Variants in LMBRD2 observed in about 807,000 individuals in gnomAD.
The protein encoded by LMBRD2 is G protein-coupled receptor-associated protein LMBRD2.
A neutral mutation model predicts 94.4 loss-of-function variants in LMBRD2; 55 were observed. The observed-to-expected ratio is 0.58, with a 90% confidence interval of 0.47 to 0.73. The LOEUF is 0.73. Among genes scored for constraint, LMBRD2 ranks in the 30% least tolerant of loss-of-function variants. The pLI is 0.00. For missense variants in LMBRD2, 640 were observed against 831.9 expected (o/e 0.77, Z 2.84); for synonymous variants, 246 against 272.4 (o/e 0.90, Z 0.95).
intron 6 of LMBRD2, among the ~76,000 whole-genome samples, chr5:36,125,705 C>T (rs1299679941): frequency 6.6e-6 from 1 of 152,120 alleles, no homozygotes. Flanking sequence ...TATAAATAAT[C>T]TGTACCAGTA....
Position 36,098,992 on chromosome 5 carries a change from T to A in LMBRD2, c.*5054A>T, listed in dbSNP as rs1180803190. On this transcript the variant is annotated 3_prime_UTR_variant, in exon 18 of 18. Transcript: ENST00000296603. ...CACATTTGAAAAGATTAATTTTCTA[T>A]TTCACCTAATCAACTGAATTGGATA... The A allele has an allele frequency of 2.0e-5, 3 of 152,112 alleles. No individual in the cohort carries two copies. Among genetic ancestry groups the A allele is most frequent in the Non-Finnish European group, 4.4e-5 (3 of 67,962 alleles). The allele number at this position is 152,112 out of a possible 1,614,324, so 9.4% of individuals were successfully genotyped here.
At position 36,117,791 on chromosome 5, in the gene LMBRD2, G is replaced by C; in HGVS notation, c.1246C>G (p.Leu416Val). Residue 416 changes from leucine (L) to valine (V), a missense_variant, in exon 10 of 18, where the codon CTC (leucine) becomes GTC (valine). Physicochemically the swap from Leu to Val is conservative, Grantham distance 32 (BLOSUM62 1). Around this residue, in one of 2 missense-constraint regions of LMBRD2, gnomAD observed 457 missense variants for 642.8 expected, o/e 0.71. Coordinates refer to ENST00000296603, the MANE Select transcript of LMBRD2 (RefSeq NM_001007527.2). ...GCCAGCTGTATGAAGACCGCAAAGAGGGATAAGACAGGAGTAGTGCTAAAG... is the reference window on the plus strand; with the variant it reads ...GCCAGCTGTATGAAGACCGCAAAGACGGATAAGACAGGAGTAGTGCTAAAG... ...TFFSTTPVLSLFAVFIQLAEK... is the reference protein window; with the variant it reads ...TFFSTTPVLSVFAVFIQLAEK... 6.2e-7 allele frequency: 1 copy of C among 1,613,600 alleles called. No homozygotes were observed. The highest frequency in any genetic ancestry group is 1.1e-5 in the South Asian group (1 of 90,982).
chr5:36,104,292 A>T (rs538078595), intron 17 of LMBRD2, among the ~76,000 whole-genome samples, 186 bp from the exon 18 acceptor site: 73 of 152,072 alleles, frequency 4.8e-4, no homozygotes, highest in Non-Finnish European at 9.1e-4. Flanking sequence ...TAAATCAACC[A>T]GCAACGGTTT....
intron 16 of LMBRD2, among the ~76,000 whole-genome samples, chr5:36,106,267 C>A (rs1164228395): frequency 6.6e-6 from 1 of 152,060 alleles, no homozygotes; most frequent in African/African-American, 2.4e-5. Context: ...ATTTATTATA[C>A]CCTAAAGTCC....
At chr5:36,113,079 A>G (rs577105318) in intron 13 of LMBRD2, among the ~76,000 whole-genome samples, 1 of 152,266 alleles carries the variant, frequency 6.6e-6, no homozygotes, top group South Asian at 2.1e-4. Flanking sequence ...CTGCCTCCAA[A>G]GAAAGAAGTA....
intron 6 of LMBRD2, among the ~76,000 whole-genome samples, chr5:36,132,902 C>T (rs1398889332): frequency 6.6e-6 from 1 of 151,564 alleles, no homozygotes; most frequent in Non-Finnish European, 1.5e-5. Flanking sequence ...GATATCATCT[C>T]ACCCCAGTTA....
At chr5:36,108,499 C>A (rs1464628926) in intron 16 of LMBRD2, 35 bp downstream of exon 16, 2 of 1,147,978 alleles carry the variant, frequency 1.7e-6, no homozygotes, top group South Asian at 1.5e-5. Context: ...CATAAGAAAA[C>A]AATTTCCAAG....
chr5:36,145,609 G>C (rs888412075), intron 1 of LMBRD2, among the ~76,000 whole-genome samples: 2 of 152,156 alleles, frequency 1.3e-5, no homozygotes, highest in African/African-American at 4.8e-5. Context: ...CCATCTTCGA[G>C]ATCTAGGGTT....
At chr5:36,108,839 C>T (rs1453532880) in intron 15 of LMBRD2, among the ~76,000 whole-genome samples, 200 bp from the exon 16 acceptor site, 2 of 152,066 alleles carry the variant, frequency 1.3e-5, no homozygotes, top group Admixed American at 6.6e-5. Flanking sequence ...TAAACTTCAA[C>T]TTTTACAAAT....
chr5:36,134,328 T>C (rs1379458837), intron 6 of LMBRD2, among the ~76,000 whole-genome samples: 2 of 152,152 alleles, frequency 1.3e-5, no homozygotes, highest in African/African-American at 4.8e-5. Flanking sequence ...CATTCATTTA[T>C]TCATTTATTC....
chr5:36,109,901 T>C, intron 15 of LMBRD2, 44 bp downstream of exon 15: 1 of 1,395,650 alleles, frequency 7.2e-7, no homozygotes, highest in Non-Finnish European at 1.0e-6. Flanking sequence ...AGAAATTAAA[T>C]TTCAAATTAA....
At position 36,142,575 on chromosome 5, in the gene LMBRD2, C is replaced by T; in HGVS notation, c.199G>A (p.Ala67Thr). 1 of 1,609,666 alleles carries T rather than the reference C, an allele frequency of 6.2e-7. No individual in the cohort carries two copies. The highest frequency in any genetic ancestry group is 8.5e-7 in the Non-Finnish European group (1 of 1,175,968). The change falls in exon 3 of 18, where the codon GCT becomes ACT. Residue 67 changes from alanine to threonine, a missense_variant. Coordinates refer to ENST00000296603, the MANE Select transcript of LMBRD2 (RefSeq NM_001007527.2). ...TCAGGAGGGCTTGAATTTGCAGCAG[C>T]ATGCTTGCACCGGTTGTATATTGTC... is the stretch of plus-strand genomic sequence containing the variant. ...STTIYNRCKHAAANSSPPENS... is the reference protein window; with the variant it reads ...STTIYNRCKHTAANSSPPENS...
chr5:36,133,140 G>C (rs1305975486), intron 6 of LMBRD2, among the ~76,000 whole-genome samples: 3 of 152,060 alleles, frequency 2.0e-5, no homozygotes, highest in Non-Finnish European at 4.4e-5. Context: ...CCAAGATTTG[G>C]AAGCAACCTA....
chr5:36,136,520 C>T lies in LMBRD2; in HGVS notation c.537-1G>A, dbSNP rs1744275958. The T allele has an allele frequency of 7.4e-6, 12 of 1,612,772 alleles. No homozygotes were observed. The highest frequency in any genetic ancestry group is 1.0e-5 in the Non-Finnish European group (12 of 1,178,904). On this transcript the variant is annotated splice_acceptor_variant, in intron 5 of 17. Coordinates refer to ENST00000296603, the MANE Select transcript of LMBRD2 (RefSeq NM_001007527.2). LOFTEE classifies it high-confidence loss of function. ...TATCCCAATTGTCTGAAGCTGGTTC[C>T]TAAGAAAGGGAAACAACAGATAATA...
In LMBRD2 at chr5:36,114,137, GAGTTAA is replaced by G. The variant is rs547905041; in HGVS notation, c.1640+281_1640+286del. 1.7e-4 allele frequency among the ~76,000 whole-genome samples: 26 copies of G among 152,210 alleles called. 1 individual carries two copies. The South Asian group carries it at 5.4e-3, about 32-fold the overall frequency. ...TGTCAGTGTCAAAGGCCAGGACTTA[GAGTTAA>G]CATTCTGTAATTAATCCTATCATTT... On this transcript the variant is annotated intron_variant, in intron 13 of 17. Coordinates refer to ENST00000296603, the MANE Select transcript of LMBRD2 (RefSeq NM_001007527.2).
At position 36,137,269 on chromosome 5, in the gene LMBRD2, C is replaced by T. The variant is rs773517630; in HGVS notation, c.536+5G>A. 1.9e-6 allele frequency: 3 copies of T among 1,543,794 alleles called. No individual in the cohort carries two copies. The highest frequency in any genetic ancestry group is 1.8e-6 in the Non-Finnish European group (2 of 1,132,476). Reference sequence around the variant, plus strand: ...AAGCAATGTTAAGAAGACTACTTTTCTTACCATTCTAAATGTAAATGTGGG... The same window carrying T: ...AAGCAATGTTAAGAAGACTACTTTTTTTACCATTCTAAATGTAAATGTGGG... On this transcript the variant is annotated splice_donor_5th_base_variant and intron_variant, in intron 5 of 17. Transcript: ENST00000296603.
At chr5:36,108,513 A>C in intron 16 of LMBRD2, 21 bp downstream of exon 16, 1 of 1,276,142 alleles carries the variant, frequency 7.8e-7, no homozygotes, top group Non-Finnish European at 1.1e-6. Flanking sequence ...TTCCAAGTGA[A>C]CTAGAAGATA....
Position 36,142,609 on chromosome 5 carries a change from C to A in LMBRD2, c.175-10G>T, listed in dbSNP as rs1579528431. 1.3e-6 allele frequency: 2 copies of A among 1,502,940 alleles called. No homozygotes were observed. Among genetic ancestry groups the A allele is most frequent in the South Asian group, 1.1e-5 (1 of 88,618 alleles). The allele number at this position is 1,502,940 out of a possible 1,614,324, so 93.1% of individuals were successfully genotyped here. On this transcript the variant is annotated splice_polypyrimidine_tract_variant and intron_variant, in intron 2 of 17. Coordinates refer to ENST00000296603, the MANE Select transcript of LMBRD2 (RefSeq NM_001007527.2). ...ACCGGTTGTATATTGTCTAAAGCAA[C>A]GAATGTATGGTTTAAAAATGAGAAT...
chr5:36,107,996 A>G (rs1743512423), intron 16 of LMBRD2, among the ~76,000 whole-genome samples: 1 of 152,176 alleles, frequency 6.6e-6, no homozygotes, highest in Non-Finnish European at 1.5e-5. Flanking sequence ...TAGCTTCTGC[A>G]TCATGTCAGT....
Sources: allele counts gnomAD v4.1 joint callset (sites outside exome capture counted in the v4.1 genomes callset), GRCh38; gene constraint gnomAD v4.1.1; regional missense constraint gnomAD v4.1.1; transcripts MANE v1.5; gene names NCBI Gene and HGNC (gene_info 2026-07-23, HGNC 2026-07-21).